The following CPLX1 variants were observed in gnomAD, a reference collection of about 807,000 sequenced individuals.
CPLX1 encodes complexin 1.
CPLX1 carries 6 observed loss-of-function variants against 15.6 expected under a neutral mutation model. The observed-to-expected ratio is 0.39, with a 90% CI of 0.21 to 0.76. The LOEUF is 0.76. CPLX1 is among the 30% of genes least tolerant of loss of function. The pLI is 0.43. For synonymous variants in CPLX1, 91 were observed against 75.2 expected (o/e 1.21, Z -1.08); for missense variants, 242 against 188.6 (o/e 1.28, Z -1.66).
At chr4:823,909 C>A (rs1187727761) in intron 2 of CPLX1, among the ~76,000 whole-genome samples, 1 of 152,236 alleles carries the variant, frequency 6.6e-6, no homozygotes, top group Non-Finnish European at 1.5e-5. Context: ...GGGAGGCAGT[C>A]GAGACACACA....
intron 3 of CPLX1, among the ~76,000 whole-genome samples, chr4:788,671 CG>C (rs1176807426): frequency 1.3e-5 from 2 of 152,184 alleles, no homozygotes; most frequent in African/African-American, 4.8e-5. Flanking sequence ...GCTCCAGGCA[CG>C]GAAGTGGAGG....
intron 2 of CPLX1, among the ~76,000 whole-genome samples, chr4:818,984 G>C (rs1352490632): frequency 6.6e-6 from 1 of 152,224 alleles, no homozygotes; most frequent in Non-Finnish European, 1.5e-5. Flanking sequence ...AGGAGACCCA[G>C]GTTCTCTGAA....
intron 1 of CPLX1, among the ~76,000 whole-genome samples, chr4:825,471 T>C (rs983361370): frequency 2.6e-5 from 4 of 151,188 alleles, no homozygotes; most frequent in East Asian, 2.0e-4. Context: ...ACTTCTCCCC[T>C]GGCTCCCGCG....
At chr4:787,337 C>T (rs1746028915) in intron 3 of CPLX1, 1 of 985,330 alleles carries the variant, frequency 1.0e-6, no homozygotes, top group African/African-American at 1.7e-5. Context: ...GACCCCCTGC[C>T]CACCCGCGTT....
intron 3 of CPLX1, 145 bp downstream of exon 3, chr4:792,288 T>TAC: frequency 3.3e-6 from 1 of 300,506 alleles, no homozygotes; most frequent in African/African-American, 2.5e-5. Flanking sequence ...CCCTCACCCC[T>TAC]CCGCCACTCT....
At chr4:818,848 G>A (rs549497068) in intron 2 of CPLX1, among the ~76,000 whole-genome samples, 1 of 152,240 alleles carries the variant, frequency 6.6e-6, no homozygotes, top group Non-Finnish European at 1.5e-5. Flanking sequence ...CAGTGCCCGC[G>A]GCCAAGGACG....
At chr4:795,662 G>A (rs1004736349) in intron 2 of CPLX1, among the ~76,000 whole-genome samples, 1 of 152,042 alleles carries the variant, frequency 6.6e-6, no homozygotes, top group African/African-American at 2.4e-5. Flanking sequence ...GGGGCGCACC[G>A]GGCACGACCC....
intron 2 of CPLX1, among the ~76,000 whole-genome samples, chr4:823,901 G>A (rs1746921434): frequency 6.6e-6 from 1 of 152,230 alleles, no homozygotes; most frequent in South Asian, 2.1e-4. Flanking sequence ...TCCCGCCTGG[G>A]AGGCAGTCGA....
intron 2 of CPLX1, among the ~76,000 whole-genome samples, chr4:819,504 A>C (rs1746820646): frequency 6.6e-6 from 1 of 152,230 alleles, no homozygotes; most frequent in South Asian, 2.1e-4. Context: ...TTGGCATTTT[A>C]CTGTTAAGTG....
intron 2 of CPLX1, among the ~76,000 whole-genome samples, chr4:806,918 G>A (rs371316252): frequency 2.0e-5 from 3 of 152,322 alleles, no homozygotes; most frequent in East Asian, 1.9e-4. Context: ...AGACTGTGGC[G>A]ATTCCTCAGA....
chr4:790,101 C>T (rs1422535270), intron 3 of CPLX1, among the ~76,000 whole-genome samples: 6 of 151,982 alleles, frequency 3.9e-5, no homozygotes, highest in Admixed American at 6.5e-5. Flanking sequence ...CGCCTGAGGG[C>T]GGGGTTCCCC....
intron 2 of CPLX1, among the ~76,000 whole-genome samples, chr4:823,225 G>A (rs1029242625): frequency 1.1e-4 from 16 of 152,158 alleles, no homozygotes; most frequent in Admixed American, 4.6e-4. Flanking sequence ...ATCACAGCCC[G>A]GTGACGCAGC....
chr4:792,831 T>A, intron 2 of CPLX1: 1 of 528,862 alleles, frequency 1.9e-6, no homozygotes, highest in Non-Finnish European at 3.3e-6. Flanking sequence ...CCTGCTTTGC[T>A]TTCTGTTCCT....
intron 3 of CPLX1, chr4:787,261 T>G (rs71604326): frequency 1.0e-6 from 1 of 985,196 alleles, no homozygotes; most frequent in Non-Finnish European, 1.2e-6. Context: ...TGCGGTCACT[T>G]CCAGGCACTG....
intron 2 of CPLX1, among the ~76,000 whole-genome samples, chr4:821,028 C>A (rs189653304): frequency 6.6e-6 from 1 of 152,164 alleles, no homozygotes; most frequent in Non-Finnish European, 1.5e-5. Context: ...AACCCAGGAC[C>A]GCACCCCTAC....
intron 3 of CPLX1, chr4:788,382 G>C (rs533004007): frequency 5.1e-6 from 5 of 985,170 alleles, no homozygotes; most frequent in East Asian, 1.1e-4. Context: ...AAAGGAGGGC[G>C]CCACGTTCCC....
At chr4:811,204 T>A (rs1266473872) in intron 2 of CPLX1, among the ~76,000 whole-genome samples, 1 of 152,210 alleles carries the variant, frequency 6.6e-6, no homozygotes, top group Non-Finnish European at 1.5e-5. Context: ...CTCCCTACAT[T>A]GCCCAGGTTG....
chr4:824,224 C>T (rs948959060), intron 2 of CPLX1, among the ~76,000 whole-genome samples: 9 of 152,232 alleles, frequency 5.9e-5, no homozygotes, highest in African/African-American at 1.4e-4. Flanking sequence ...GGCTCTGCCC[C>T]GACCACAGCA....
rs182555975 is a variant in CPLX1, at chr4:804,547, T to C, written c.32-11939A>G. On this transcript the variant is annotated intron_variant, in intron 2 of 3. Transcript: ENST00000304062. ...TAAATCGTACGGTTTTGGAAAGACA[T>C]GCCAGATTCTTGGTGGGCAGGCTTA... 3.7e-3 allele frequency among the ~76,000 whole-genome samples: 560 copies of C among 152,202 alleles called. 4 individuals are homozygous for C. The highest frequency in any genetic ancestry group is 0.014 in the Middle Eastern group (4 of 294).
Sources: allele counts gnomAD v4.1 joint callset (sites outside exome capture counted in the v4.1 genomes callset), GRCh38; gene constraint gnomAD v4.1.1; transcripts MANE v1.5; gene names NCBI Gene and HGNC (gene_info 2026-07-23, HGNC 2026-07-21).